FKBP5: variants seen among roughly 807,000 people sequenced by gnomAD.
The protein encoded by FKBP5 is peptidyl-prolyl cis-trans isomerase FKBP5.
A neutral mutation model predicts 50.5 loss-of-function variants in FKBP5; 23 were observed. The observed-to-expected ratio is 0.46, with a 90% confidence interval of 0.33 to 0.65. The LOEUF (loss-of-function observed/expected upper bound fraction) is 0.65. Among genes scored for constraint, FKBP5 ranks in the 30% least tolerant of loss-of-function variants. The pLI is 0.02. For synonymous variants in FKBP5, 176 were observed against 190.6 expected (o/e 0.92, Z 0.63); for missense variants, 411 against 553.1 (o/e 0.74, Z 2.58).
chr6:35,591,232 A>C lies in FKBP5; in HGVS notation c.666-12T>G, dbSNP rs755320759. Reference sequence around the variant, plus strand: ...CTCCAAAACCATATCTGAAATGGAGAGTAAAAAATAAAACTTTAAAAGGAT... The same window carrying C: ...CTCCAAAACCATATCTGAAATGGAGCGTAAAAAATAAAACTTTAAAAGGAT... On this transcript the variant is annotated splice_polypyrimidine_tract_variant and intron_variant, in intron 6 of 10. Transcript: ENST00000357266. 1.3e-6 allele frequency: 2 copies of C among 1,579,100 alleles called. No homozygotes were observed. The highest frequency in any genetic ancestry group is 3.4e-5 in the Admixed American group (2 of 58,666).
Position 35,587,090 on chromosome 6 carries a change from T to C in FKBP5, c.784A>G (p.Lys262Glu). 1 of 1,614,136 alleles carries C rather than the reference T, an allele frequency of 6.2e-7. No homozygotes were observed. Among genetic ancestry groups the C allele is most frequent in the South Asian group, 1.1e-5 (1 of 91,078 alleles). ...KAKESWEMDT[K>E]EKLEQAAIVK... is the part of the protein sequence containing the mutation. ...ATGGCAGCCTGCTCCAATTTTTCTTTGGTATCCATCTCCCAGGATTCTTTG... is the reference window on the plus strand; with the variant it reads ...ATGGCAGCCTGCTCCAATTTTTCTTCGGTATCCATCTCCCAGGATTCTTTG... Residue 262 changes from lysine to glutamate, a missense_variant, in exon 8 of 11, where the codon AAA (lysine) becomes GAA (glutamate). This residue lies in a region of FKBP5 where 267 missense variants were observed against 405.9 expected (regional missense o/e 0.66). Coordinates refer to ENST00000357266, the MANE Select transcript of FKBP5 (RefSeq NM_004117.4).
rs1424722966 is a variant in FKBP5 at position 35,589,169 on chromosome 6, CTCAGGCT to C, written c.756+1954_756+1960del. Among the ~76,000 whole-genome samples the C allele has an allele frequency of 5.6e-4, 79 of 140,090 alleles. 1 individual carries two copies. In the East Asian group the frequency reaches 0.011, roughly 19 times the overall value. 91.9% of individuals were successfully genotyped at this position (140,090 alleles called of 152,430 possible). On this transcript the variant is annotated intron_variant, in intron 7 of 10. Coordinates refer to ENST00000357266, the MANE Select transcript of FKBP5 (RefSeq NM_004117.4). ...TCTGAGACGGAGTCTTGCTCTGTCT[CTCAGGCT>C]GGAGTGCAGTGGCATGATCTCGGCT... is the stretch of plus-strand genomic sequence containing the variant.
At chr6:35,618,937 C>T (rs1165969025) in intron 5 of FKBP5, among the ~76,000 whole-genome samples, 159 bp downstream of exon 5, 4 of 152,176 alleles carry the variant, frequency 2.6e-5, no homozygotes, top group Non-Finnish European at 5.9e-5. Context: ...CTCAGGCAAT[C>T]CACCCGCCTC....
At chr6:35,615,152 AACT>A (rs1183705888) in intron 5 of FKBP5, among the ~76,000 whole-genome samples, 4 of 91,314 alleles carry the variant, frequency 4.4e-5, no homozygotes, top group African/African-American at 1.2e-4. Flanking sequence ...CAACAACAAC[AACT>A]ACACACACAC....
At chr6:35,593,387 C>A (rs1762880521) in intron 6 of FKBP5, among the ~76,000 whole-genome samples, 1 of 152,180 alleles carries the variant, frequency 6.6e-6, no homozygotes, top group Non-Finnish European at 1.5e-5. Context: ...CAAGCTCTTA[C>A]CAATTGCTCC....
rs368696274 is a variant in FKBP5, at chr6:35,578,698, G to A, written c.1026+1338C>T. Among the ~76,000 whole-genome samples, 4 of 151,426 alleles carry A rather than the reference G, an allele frequency of 2.6e-5. No individual in the cohort carries two copies. In the East Asian group the frequency reaches 7.8e-4, roughly 29 times the overall value. The stretch of plus-strand genomic sequence containing the variant: ...CAGGAGAATCGCTTGAACTCGGGAG[G>A]TGGAGGTTAGAGTGAGCCAAGATTG... On this transcript the variant is annotated intron_variant, in intron 9 of 10. Transcript: ENST00000357266.
intron 8 of FKBP5, chr6:35,585,667 C>A (rs1459480835): frequency 2.1e-6 from 2 of 931,056 alleles, no homozygotes; most frequent in Non-Finnish European, 1.3e-6. Context: ...TTATACTTAT[C>A]TAAACCCATG....
At chr6:35,639,781 A>AT (rs1198560988) in intron 2 of FKBP5, among the ~76,000 whole-genome samples, 1 of 152,244 alleles carries the variant, frequency 6.6e-6, no homozygotes, top group African/African-American at 2.4e-5. Flanking sequence ...AGGCTTTCAC[A>AT]TAAGCAAAGT....
At chr6:35,630,414 G>A (rs1764120575) in intron 3 of FKBP5, among the ~76,000 whole-genome samples, 1 of 151,854 alleles carries the variant, frequency 6.6e-6, no homozygotes, top group South Asian at 2.1e-4. Context: ...AGGCATGGTG[G>A]TGCATGCCTG....
intron 6 of FKBP5, among the ~76,000 whole-genome samples, chr6:35,594,121 G>A (rs959358409): frequency 1.3e-5 from 2 of 152,040 alleles, no homozygotes; most frequent in African/African-American, 4.8e-5. Flanking sequence ...TTGGGAGGCT[G>A]AGGCTGGAGG....
chr6:35,642,096 TC>T (rs1360247941), intron 2 of FKBP5, among the ~76,000 whole-genome samples: 2 of 152,136 alleles, frequency 1.3e-5, no homozygotes, highest in Non-Finnish European at 2.9e-5. Context: ...TTCAAAATTG[TC>T]ATTAGCTAGC....
intron 3 of FKBP5, among the ~76,000 whole-genome samples, chr6:35,625,456 G>A (rs1165404119): frequency 6.6e-6 from 1 of 151,782 alleles, no homozygotes; most frequent in Non-Finnish European, 1.5e-5. Context: ...ACCAAGAATA[G>A]GCCGGTGCAG....
intron 2 of FKBP5, among the ~76,000 whole-genome samples, chr6:35,706,716 A>T (rs1243261332): frequency 2.0e-5 from 3 of 152,222 alleles, no homozygotes; most frequent in Non-Finnish European, 4.4e-5. Flanking sequence ...CACTTCCAGG[A>T]ATTCATTCTA....
chr6:35,587,782 A>T (rs748647473), intron 7 of FKBP5, among the ~76,000 whole-genome samples: 11 of 152,184 alleles, frequency 7.2e-5, no homozygotes, highest in Admixed American at 1.3e-4. Flanking sequence ...TACTTCCACC[A>T]TTACAGATAC....
At chr6:35,701,239 TG>T (rs1458790719) in intron 2 of FKBP5, among the ~76,000 whole-genome samples, 56 of 147,710 alleles carry the variant, frequency 3.8e-4, no homozygotes, top group African/African-American at 1.3e-3. Flanking sequence ...TTTTGTTTTT[TG>T]TTTTTTTGTT....
intron 2 of FKBP5, among the ~76,000 whole-genome samples, chr6:35,702,628 A>G (rs1015370692): frequency 3.3e-5 from 5 of 151,532 alleles, no homozygotes; most frequent in African/African-American, 1.2e-4. Context: ...AATTTTTTGT[A>G]TTTTTACTAG....
At chr6:35,598,565 C>A (rs1763053718) in intron 5 of FKBP5, among the ~76,000 whole-genome samples, 1 of 152,142 alleles carries the variant, frequency 6.6e-6, no homozygotes, top group Non-Finnish European at 1.5e-5. Flanking sequence ...TGAAACTTTA[C>A]AACTACTTTT....
At chr6:35,593,802 G>A (rs570037229) in intron 6 of FKBP5, among the ~76,000 whole-genome samples, 7 of 151,846 alleles carry the variant, frequency 4.6e-5, no homozygotes, top group African/African-American at 1.2e-4. Flanking sequence ...TGATCCTCCC[G>A]CCTCGGCCTC....
chr6:35,647,415 T>C (rs1764660189), intron 1 of FKBP5, among the ~76,000 whole-genome samples: 2 of 152,202 alleles, frequency 1.3e-5, no homozygotes, highest in African/African-American at 4.8e-5. Flanking sequence ...AGAAAAAGTT[T>C]TTAAAATCTG....
Sources: gnomAD v4.1 joint callset for allele counts (sites outside exome capture counted in the v4.1 genomes callset) on GRCh38, gnomAD v4.1.1 for gene constraint, gnomAD v4.1.1 regional missense constraint, MANE v1.5 for transcripts, NCBI Gene and HGNC (gene_info 2026-07-23, HGNC 2026-07-21) for gene names.